PCDHGB1: variants seen among roughly 807,000 people sequenced by gnomAD.
PCDHGB1 encodes the protein protocadherin gamma subfamily B, 1, also known as protocadherin gamma-B1.
A neutral mutation model predicts 56.6 loss-of-function variants in PCDHGB1; 34 were observed. The ratio of observed to expected loss-of-function variants is 0.60; its 90% CI spans 0.46 to 0.80. The LOEUF (loss-of-function observed/expected upper bound fraction) is 0.80, where lower values mean the gene tolerates loss of function less well. Among genes scored for constraint, PCDHGB1 ranks in the 30% least tolerant of loss-of-function variants. PCDHGB1 has a pLI of 0.00. For missense variants in PCDHGB1, 1,278 were observed against 1,204.6 expected (o/e 1.06, Z -0.90); for synonymous variants, 561 against 505.9 (o/e 1.11, Z -1.46).
chr5:141,478,744 T>C, intron 1 of PCDHGB1: 1 of 1,528,172 alleles, frequency 6.5e-7, no homozygotes, highest in Non-Finnish European at 8.8e-7. Flanking sequence ...TGTGGTCCCA[T>C]TTCAGGGGGA....
At chr5:141,371,490 G>A in intron 1 of PCDHGB1, 1 of 1,613,890 alleles carries the variant, frequency 6.2e-7, no homozygotes, top group African/African-American at 1.3e-5. Context: ...GGGGACTGCC[G>A]TTGCCCTGAT....
chr5:141,394,012 A>C lies in PCDHGB1; in HGVS notation c.2409+41343A>C, dbSNP rs756847755. ...TTTAAATTAGAAAAGTCAATAGGTA[A>C]TTATTATAGATTAGTGACAAGGAAA... On this transcript the variant is annotated intron_variant, in intron 1 of 3. Coordinates refer to ENST00000523390, the MANE Select transcript of PCDHGB1 (RefSeq NM_018922.3). The C allele has an allele frequency of 2.6e-5, 42 of 1,613,288 alleles. No individual in the cohort carries two copies. Among genetic ancestry groups the C allele is most frequent in the Non-Finnish European group, 3.4e-5 (40 of 1,179,552 alleles).
intron 1 of PCDHGB1, among the ~76,000 whole-genome samples, chr5:141,386,696 G>A (rs2090675281): frequency 6.6e-6 from 1 of 152,096 alleles, no homozygotes; most frequent in African/African-American, 2.4e-5. Context: ...ACTTGGGGTA[G>A]AAGACAATGT....
chr5:141,409,171 C>G, intron 1 of PCDHGB1: 1 of 1,613,962 alleles, frequency 6.2e-7, no homozygotes, highest in South Asian at 1.1e-5. Flanking sequence ...AAGCGAAGGA[C>G]GGAGGTGGTC....
intron 1 of PCDHGB1, chr5:141,393,821 G>A: frequency 6.2e-7 from 1 of 1,613,734 alleles, no homozygotes; most frequent in South Asian, 1.1e-5. Context: ...TGCTCATTTC[G>A]GTGGAAGATG....
At chr5:141,413,396 G>A in intron 1 of PCDHGB1, 1 of 1,614,060 alleles carries the variant, frequency 6.2e-7, no homozygotes, top group Non-Finnish European at 8.5e-7. Flanking sequence ...GTCTCCAGAG[G>A]TAGGACGCAG....
At chr5:141,428,117 G>T in intron 1 of PCDHGB1, 2 of 1,607,102 alleles carry the variant, frequency 1.2e-6, no homozygotes, top group East Asian at 2.2e-5. Context: ...AGGCCATCGA[G>T]CCCGGGCTTT....
chr5:141,401,060 T>A (rs1395651829), intron 1 of PCDHGB1, among the ~76,000 whole-genome samples: 3 of 152,216 alleles, frequency 2.0e-5, no homozygotes, highest in Non-Finnish European at 4.4e-5. Flanking sequence ...ATACTATATG[T>A]TGGCTGGGTG....
rs142115917 is a variant in PCDHGB1, at chr5:141,361,509, G to T, written c.2409+8840G>T. On this transcript the variant is annotated intron_variant, in intron 1 of 3. Coordinates refer to ENST00000523390, the MANE Select transcript of PCDHGB1 (RefSeq NM_018922.3). ...CAGTTTTCCAACAGACTTCCTACAT[G>T]GTTCACGTGGCAGAGAACAATCCTC... 1.6e-4 allele frequency: 252 copies of T among 1,613,978 alleles called. No homozygotes were observed. In the East Asian group the frequency reaches 5.6e-3, roughly 36 times the overall value.
chr5:141,434,964 T>C (rs2154556462), intron 1 of PCDHGB1, among the ~76,000 whole-genome samples: 1 of 152,004 alleles, frequency 6.6e-6, no homozygotes, highest in East Asian at 1.9e-4. Context: ...ATTTATAAAA[T>C]TACTTTGTTA....
intron 1 of PCDHGB1, chr5:141,383,004 G>C: frequency 6.2e-7 from 1 of 1,613,698 alleles, no homozygotes; most frequent in Non-Finnish European, 8.5e-7. Flanking sequence ...TCTACTCCGT[G>C]TCGGAGGAGA....
intron 1 of PCDHGB1, among the ~76,000 whole-genome samples, chr5:141,406,087 T>TA (rs113984376): frequency 6.7e-6 from 1 of 148,544 alleles, no homozygotes; most frequent in African/African-American, 2.5e-5. Flanking sequence ...TTTTTTTTTT[T>TA]AAGAGATGGG....
chr5:141,360,853 C>G (rs1463247472), intron 1 of PCDHGB1: 16 of 1,613,992 alleles, frequency 9.9e-6, no homozygotes, highest in Non-Finnish European at 1.4e-5. Context: ...CGATAACCCT[C>G]CAGTGTTCAG....
chr5:141,365,349 T>A, intron 1 of PCDHGB1: 1 of 1,613,944 alleles, frequency 6.2e-7, no homozygotes, highest in Non-Finnish European at 8.5e-7. Context: ...GTACAGGACG[T>A]GAATGACAAT....
chr5:141,350,112 G>A lies in PCDHGB1; in HGVS notation c.-149G>A, dbSNP rs1012819239. The A allele has an allele frequency of 2.2e-5, 12 of 553,854 alleles. No homozygotes were observed. Among genetic ancestry groups the A allele is most frequent in the African/African-American group, 1.9e-5 (1 of 51,654 alleles). The allele number at this position is 553,854 out of a possible 1,614,324, so 34.3% of individuals were successfully genotyped here. ...GTCAGGCAGGGTGCCTTCCTGCTTT[G>A]TCCGGTGCACTGAGCACAGACGCTG... On this transcript the variant is annotated 5_prime_UTR_variant, in exon 1 of 4. Transcript: ENST00000523390.
intron 1 of PCDHGB1, chr5:141,405,556 C>T: frequency 1.6e-6 from 1 of 619,826 alleles, no homozygotes; most frequent in East Asian, 2.7e-5. Context: ...AGTAGAGTAG[C>T]TGGGACTAGA....
intron 1 of PCDHGB1, chr5:141,364,818 G>C (rs897458319): frequency 2.0e-5 from 33 of 1,613,896 alleles, no homozygotes; most frequent in Non-Finnish European, 2.5e-5. Context: ...GCGGATGTGG[G>C]TGTGAACTCT....
intron 1 of PCDHGB1, chr5:141,394,269 C>G (rs367765478): frequency 1.1e-5 from 17 of 1,613,830 alleles, no homozygotes; most frequent in Admixed American, 1.7e-5. Flanking sequence ...GGAGAATGCC[C>G]AGGTCACTTA....
Position 141,431,972 on chromosome 5 carries a change from G to T in PCDHGB1, c.2410-62835G>T, listed in dbSNP as rs750484866. On this transcript the variant is annotated intron_variant, in intron 1 of 3. Coordinates refer to ENST00000523390, the MANE Select transcript of PCDHGB1 (RefSeq NM_018922.3). The surrounding 1 kb of genome is among the most constrained non-coding windows in gnomAD (Gnocchi z 4.8). ...ATCTTACGGAAATTACTATAGTTTA[G>T]TCACAGACATAGTCTTGGATAGGGA... is the stretch of plus-strand genomic sequence containing the variant. The T allele has an allele frequency of 8.1e-6, 13 of 1,614,072 alleles. No homozygotes were observed. Among genetic ancestry groups the T allele is most frequent in the Non-Finnish European group, 1.1e-5 (13 of 1,180,028 alleles).
Sources: gnomAD v4.1 joint callset for allele counts (sites outside exome capture counted in the v4.1 genomes callset) on GRCh38, gnomAD v4.1.1 for gene constraint, Gnocchi (gnomAD v3.1) non-coding constraint, MANE v1.5 for transcripts, NCBI Gene and HGNC (gene_info 2026-07-23, HGNC 2026-07-21) for gene names.